BCAT1: variants seen among roughly 807,000 people sequenced by gnomAD.
BCAT1 encodes branched-chain-amino-acid aminotransferase, cytosolic.
BCAT1 carries 48 observed loss-of-function variants against 52.4 expected under a neutral mutation model. The observed-to-expected ratio is 0.92, with a 90% CI of 0.73 to 1.16. The LOEUF is 1.16. Among genes scored for constraint, BCAT1 ranks in the 50% most tolerant of loss-of-function variants. BCAT1 has a pLI of 0.00. For missense variants in BCAT1, 451 were observed against 457.1 expected (o/e 0.99, Z 0.12); for synonymous variants, 167 against 161.3 (o/e 1.04, Z -0.27).
At position 24,902,041 on chromosome 12, in the gene BCAT1, A is replaced by G. The variant is rs1943118974; in HGVS notation, c.7-156T>C. ...CAGACAACCAAGCACCCAGGCCCGA[A>G]CCTCCAACAAGCGTGTCTTGGGAGC... On this transcript the variant is annotated intron_variant, in intron 1 of 10. Coordinates refer to ENST00000261192, the MANE Select transcript of BCAT1 (RefSeq NM_005504.7). 3.2e-6 allele frequency: 5 copies of G among 1,549,604 alleles called. No homozygotes were observed. The East Asian group carries it at 9.5e-5, about 30-fold the overall frequency.
intron 1 of BCAT1, among the ~76,000 whole-genome samples, chr12:24,926,681 CAT>C (rs1943593706): frequency 6.6e-6 from 1 of 152,198 alleles, no homozygotes; most frequent in Admixed American, 6.5e-5. Flanking sequence ...CTCTCTGAAA[CAT>C]GTGCTGTGTC....
intron 5 of BCAT1, among the ~76,000 whole-genome samples, chr12:24,857,052 G>A (rs559140174): frequency 3.9e-5 from 6 of 152,162 alleles, no homozygotes; most frequent in African/African-American, 9.7e-5. Flanking sequence ...GCTCCTTCTC[G>A]GAGGAGCAAT....
At chr12:24,918,922 T>G (rs558203466) in intron 1 of BCAT1, among the ~76,000 whole-genome samples, 3 of 152,238 alleles carry the variant, frequency 2.0e-5, no homozygotes, top group Non-Finnish European at 4.4e-5. Flanking sequence ...TGTTTATGTG[T>G]CAGCCTCCAA....
chr12:24,895,093 C>T (rs770806574), intron 2 of BCAT1, among the ~76,000 whole-genome samples: 1 of 152,208 alleles, frequency 6.6e-6, no homozygotes, highest in Non-Finnish European at 1.5e-5. Flanking sequence ...AACAAAGGAA[C>T]TCTTATTTAA....
chr12:24,920,724 C>T (rs550062841), intron 1 of BCAT1, among the ~76,000 whole-genome samples: 11 of 152,262 alleles, frequency 7.2e-5, no homozygotes, highest in African/African-American at 2.6e-4. Context: ...AAGTTGAGGG[C>T]TCAGTCCCAC....
At position 24,853,373 on chromosome 12, in the gene BCAT1, C is replaced by T. The variant is rs189046961; in HGVS notation, c.511-3424G>A. Among the ~76,000 whole-genome samples, 27 of 152,194 alleles carry T rather than the reference C, an allele frequency of 1.8e-4. No individual in the cohort carries two copies. The East Asian group carries it at 4.4e-3, about 25-fold the overall frequency. On this transcript the variant is annotated intron_variant, in intron 5 of 10. Coordinates refer to ENST00000261192, the MANE Select transcript of BCAT1 (RefSeq NM_005504.7). ...ACAGAAAACCAAAATATCACACGTC[C>T]GCACTTATAAGTGAGAGCTAAGCAT...
chr12:24,880,989 C>T (rs1312772402), intron 4 of BCAT1, among the ~76,000 whole-genome samples: 1 of 152,102 alleles, frequency 6.6e-6, no homozygotes, highest in African/African-American at 2.4e-5. Context: ...CATGTGCCAC[C>T]AAACCCGGCT....
intron 1 of BCAT1, among the ~76,000 whole-genome samples, chr12:24,947,136 C>T (rs894013552): frequency 1.3e-5 from 2 of 150,634 alleles, no homozygotes; most frequent in African/African-American, 4.9e-5. Context: ...AATGTAAAAC[C>T]TCTCTCCCCA....
At chr12:24,889,144 C>T (rs1436379952) in intron 3 of BCAT1, among the ~76,000 whole-genome samples, 1 of 152,208 alleles carries the variant, frequency 6.6e-6, no homozygotes, top group Non-Finnish European at 1.5e-5. Context: ...TCGAAGATCC[C>T]TCTCTCCCTA....
intron 7 of BCAT1, among the ~76,000 whole-genome samples, chr12:24,839,828 T>C (rs1056977360): frequency 6.6e-6 from 1 of 152,218 alleles, no homozygotes; most frequent in African/African-American, 2.4e-5. Flanking sequence ...CGTTTGTTCA[T>C]TGTATTTTCT....
chr12:24,924,493 T>C (rs905457018), intron 1 of BCAT1, among the ~76,000 whole-genome samples: 2 of 152,162 alleles, frequency 1.3e-5, no homozygotes, highest in African/African-American at 2.4e-5. Flanking sequence ...CAGGAACCAA[T>C]GCATATCATG....
At chr12:24,904,040 A>T (rs1228916760) in intron 1 of BCAT1, 1 of 152,142 alleles carries the variant, frequency 6.6e-6, no homozygotes, top group Non-Finnish European at 1.5e-5. Context: ...AATCTTATCA[A>T]CTCAGAAAAC....
At chr12:24,928,641 A>C (rs1943630683) in intron 1 of BCAT1, among the ~76,000 whole-genome samples, 1 of 151,544 alleles carries the variant, frequency 6.6e-6, no homozygotes, top group African/African-American at 2.4e-5. Context: ...TCAAAAAAAA[A>C]AAAAAAAAAC....
rs1214869617 is a variant in BCAT1, at chr12:24,894,311, C to A, written c.243G>T (p.Leu81Phe). The change falls in exon 3 of 11, where the codon TTG becomes TTT. Residue 81 changes from leucine to phenylalanine, a missense_variant. By Grantham distance (22) the Leu-to-Phe change is conservative. Coordinates refer to ENST00000261192, the MANE Select transcript of BCAT1 (RefSeq NM_005504.7). ...PHIKPLQNLSLHPGSSALHYA... is the reference protein window; with the variant it reads ...PHIKPLQNLSFHPGSSALHYA... ...AGTGCAAAGCTGATGAGCCAGGGTG[C>A]AATGACAGGTTCTGAAGAGGCTTGA... The A allele has an allele frequency of 6.2e-7, 1 of 1,613,828 alleles. No individual in the cohort carries two copies. The highest frequency in any genetic ancestry group is 8.5e-7 in the Non-Finnish European group (1 of 1,179,894).
rs1939740536 is a variant in BCAT1, at chr12:24,813,023, T to C, written c.*4985A>G. ...CTTCAATACTTGTATCCAGCAGATTTGAAAGGGCACTTCAAATTTGTTCTT... is the reference window on the plus strand; with the variant it reads ...CTTCAATACTTGTATCCAGCAGATTCGAAAGGGCACTTCAAATTTGTTCTT... On this transcript the variant is annotated 3_prime_UTR_variant, in exon 11 of 11. Coordinates refer to ENST00000261192, the MANE Select transcript of BCAT1 (RefSeq NM_005504.7). 1 of 152,040 alleles carries C rather than the reference T, an allele frequency of 6.6e-6. No individual in the cohort carries two copies. The highest frequency in any genetic ancestry group is 1.5e-5 in the Non-Finnish European group (1 of 67,908). The allele number at this position is 152,040 out of a possible 1,614,324, so 9.4% of individuals were successfully genotyped here. A position where few individuals can be genotyped will look rare whatever the true frequency, so the allele number is the denominator to read the frequency against.
chr12:24,920,220 T>A (rs980329195), intron 1 of BCAT1, among the ~76,000 whole-genome samples: 22 of 152,184 alleles, frequency 1.4e-4, no homozygotes, highest in African/African-American at 5.3e-4. Flanking sequence ...AAGTTGAAGA[T>A]TCATATTGAG....
At chr12:24,916,299 G>A (rs77437274) in intron 1 of BCAT1, among the ~76,000 whole-genome samples, 122 of 152,264 alleles carry the variant, frequency 8.0e-4, no homozygotes, top group African/African-American at 2.9e-3. Flanking sequence ...CTGTCAGAAA[G>A]TGACATTCTT....
chr12:24,861,185 C>T (rs1011411801), intron 5 of BCAT1, among the ~76,000 whole-genome samples: 4 of 152,136 alleles, frequency 2.6e-5, no homozygotes, highest in African/African-American at 9.7e-5. Flanking sequence ...CTGTTTGTTC[C>T]TATGAACCAA....
chr12:24,878,320 G>C (rs1478542040), intron 5 of BCAT1, among the ~76,000 whole-genome samples: 1 of 152,092 alleles, frequency 6.6e-6, no homozygotes, highest in Non-Finnish European at 1.5e-5. Flanking sequence ...TTTCTTATTA[G>C]AAACTATATG....
Sources: gnomAD v4.1 joint callset for allele counts (sites outside exome capture counted in the v4.1 genomes callset) on GRCh38, gnomAD v4.1.1 for gene constraint, MANE v1.5 for transcripts, NCBI Gene and HGNC (gene_info 2026-07-23, HGNC 2026-07-21) for gene names.